The following NPR3 variants were observed in gnomAD, a reference collection of about 807,000 sequenced individuals.
NPR3 encodes natriuretic peptide receptor 3.
A neutral mutation model predicts 54.5 loss-of-function variants in NPR3; 34 were observed. That is an observed-to-expected ratio of 0.62 (90% CI 0.47 to 0.83). The LOEUF is 0.83. Ranked by LOEUF, NPR3 falls within the 40% of genes least tolerant of loss-of-function variation. The probability of loss-of-function intolerance (pLI) is 0.00; values close to 1 mark genes in which losing one functional copy is unlikely to be tolerated. For missense variants in NPR3, 674 were observed against 720.8 expected, an observed-to-expected ratio of 0.94 and a Z score of 0.74; for synonymous variants, 289 against 297.1, an observed-to-expected ratio of 0.97 and a Z score of 0.28.
intron 3 of NPR3, among the ~76,000 whole-genome samples, chr5:32,758,164 T>G (rs1740951119): frequency 1.3e-5 from 2 of 152,208 alleles, no homozygotes; most frequent in South Asian, 4.1e-4. Flanking sequence ...TTGGAATAGT[T>G]TCAGAAGGAA....
intron 2 of NPR3, among the ~76,000 whole-genome samples, chr5:32,731,122 G>A (rs1239741167): frequency 2.0e-5 from 3 of 152,242 alleles, no homozygotes; most frequent in Admixed American, 1.3e-4. Context: ...ATACCAGTGC[G>A]TAAGAAGCCA....
At chr5:32,743,420 A>G (rs1411492319) in intron 3 of NPR3, among the ~76,000 whole-genome samples, 3 of 152,086 alleles carry the variant, frequency 2.0e-5, no homozygotes, top group Non-Finnish European at 4.4e-5. Flanking sequence ...ATTAAGTTCT[A>G]TGCAATTTTA....
intron 3 of NPR3, among the ~76,000 whole-genome samples, chr5:32,751,498 G>C (rs929104435): frequency 2.0e-5 from 3 of 152,186 alleles, no homozygotes; most frequent in African/African-American, 7.2e-5. Context: ...GGTAAATGCT[G>C]TTTTTATTTC....
At chr5:32,769,782 G>A (rs1741656482) in intron 3 of NPR3, among the ~76,000 whole-genome samples, 1 of 152,174 alleles carries the variant, frequency 6.6e-6, no homozygotes, top group South Asian at 2.1e-4. Context: ...GCAACCCCAA[G>A]AGCTAGACCA....
chr5:32,771,391 C>G (rs1207385752), intron 3 of NPR3, among the ~76,000 whole-genome samples: 1 of 152,162 alleles, frequency 6.6e-6, no homozygotes, highest in Non-Finnish European at 1.5e-5. Context: ...ATTTTCAGAC[C>G]TGGGTGTGTA....
upstream of NPR3, among the ~76,000 whole-genome samples, chr5:32,708,040 T>G (rs971669276): frequency 3.3e-5 from 5 of 151,296 alleles, no homozygotes; most frequent in African/African-American, 7.3e-5. Context: ...AAAACATGGT[T>G]TGTGGATATT....
chr5:32,733,872 G>T (rs1006976528), intron 2 of NPR3, among the ~76,000 whole-genome samples: 8 of 152,122 alleles, frequency 5.3e-5, no homozygotes, highest in Admixed American at 3.3e-4. Context: ...CCCAAACTCT[G>T]ATGAAATGAA....
At chr5:32,694,356 C>A (rs1740472920) in intron 1 of NPR3, among the ~76,000 whole-genome samples, 1 of 152,132 alleles carries the variant, frequency 6.6e-6, no homozygotes, top group African/African-American at 2.4e-5. Context: ...GTTTTAGATT[C>A]ATTTGTTGAT....
At chr5:32,699,569 A>G (rs1740615454) in intron 1 of NPR3, among the ~76,000 whole-genome samples, 1 of 152,152 alleles carries the variant, frequency 6.6e-6, no homozygotes, top group South Asian at 2.1e-4. Flanking sequence ...AGTGTTTGGA[A>G]AAACTCTGCA....
chr5:32,766,155 G>A (rs1172954571), intron 3 of NPR3, among the ~76,000 whole-genome samples: 1 of 152,238 alleles, frequency 6.6e-6, no homozygotes, highest in Non-Finnish European at 1.5e-5. Flanking sequence ...GGCTGGAGAA[G>A]GGCGGGAAGT....
At chr5:32,745,792 C>T (rs1413393755) in intron 3 of NPR3, among the ~76,000 whole-genome samples, 2 of 152,230 alleles carry the variant, frequency 1.3e-5, no homozygotes, top group Admixed American at 1.3e-4. Flanking sequence ...TCCTCTTCAT[C>T]CTCAGTGACC....
At chr5:32,721,690 A>C (rs186855922) in intron 1 of NPR3, among the ~76,000 whole-genome samples, 1 of 152,156 alleles carries the variant, frequency 6.6e-6, no homozygotes, top group East Asian at 1.9e-4. Context: ...AAAGAAAACA[A>C]AGAATGTGTC....
intron 1 of NPR3, chr5:32,716,430 T>C (rs1234197346): frequency 2.2e-6 from 1 of 455,898 alleles, no homozygotes; most frequent in Admixed American, 2.4e-5. Context: ...AATTCTCTTC[T>C]TGATCATTCT....
intron 2 of NPR3, among the ~76,000 whole-genome samples, chr5:32,731,044 A>G (rs1173485876): frequency 6.6e-6 from 1 of 152,166 alleles, no homozygotes; most frequent in African/African-American, 2.4e-5. Context: ...TTTTTCCACA[A>G]TGAGATTGAG....
intron 2 of NPR3, among the ~76,000 whole-genome samples, chr5:32,737,460 T>A (rs1463003103): frequency 1.3e-5 from 2 of 152,140 alleles, no homozygotes; most frequent in African/African-American, 2.4e-5. Context: ...GTAGAGTGAG[T>A]GCCACAAAGT....
intron 4 of NPR3, among the ~76,000 whole-genome samples, chr5:32,778,906 A>G (rs1230483100): frequency 6.6e-6 from 1 of 152,264 alleles, no homozygotes; most frequent in African/African-American, 2.4e-5. Flanking sequence ...ATGGTTTTGG[A>G]TAGCCAATAT....
intron 2 of NPR3, among the ~76,000 whole-genome samples, chr5:32,731,066 T>G (rs1362505785): frequency 6.6e-6 from 1 of 152,232 alleles, no homozygotes; most frequent in African/African-American, 2.4e-5. Context: ...TTATGTATTT[T>G]GGTGAGAATA....
At chr5:32,700,879 T>C (rs1382685519) in intron 1 of NPR3, among the ~76,000 whole-genome samples, 5 of 152,196 alleles carry the variant, frequency 3.3e-5, no homozygotes, top group Non-Finnish European at 7.3e-5. Flanking sequence ...GTCTTTATAG[T>C]AGCATGATTT....
At chr5:32,762,326 G>A (rs908432309) in intron 3 of NPR3, among the ~76,000 whole-genome samples, 9 of 151,478 alleles carry the variant, frequency 5.9e-5, no homozygotes, top group Non-Finnish European at 1.2e-4. Flanking sequence ...GGATTGCTAG[G>A]TCAAATGGTA....
Sources: gnomAD v4.1 joint callset for allele counts (sites outside exome capture counted in the v4.1 genomes callset) on GRCh38, gnomAD v4.1.1 for gene constraint, MANE v1.5 for transcripts, NCBI Gene and HGNC (gene_info 2026-07-23, HGNC 2026-07-21) for gene names.